APAF1: variants seen among roughly 807,000 people sequenced by gnomAD.
APAF1 encodes apoptotic protease-activating factor 1.
APAF1 carries 91 observed loss-of-function variants against 152.4 expected under a neutral mutation model. The ratio of observed to expected loss-of-function variants is 0.60; its 90% CI spans 0.50 to 0.71. The LOEUF (loss-of-function observed/expected upper bound fraction) is 0.71. Ranked by LOEUF, APAF1 falls within the 30% of genes least tolerant of loss-of-function variation. The probability of loss-of-function intolerance (pLI) is 0.00; values close to 1 mark genes in which losing one functional copy is unlikely to be tolerated. For synonymous variants in APAF1, 484 were observed against 494.1 expected (o/e 0.98, Z 0.27); for missense variants, 1,283 against 1,472.0 (o/e 0.87, Z 2.10).
intron 16 of APAF1, among the ~76,000 whole-genome samples, chr12:98,687,475 T>G (rs1424838966): frequency 6.6e-6 from 1 of 152,188 alleles, no homozygotes; most frequent in Non-Finnish European, 1.5e-5. Flanking sequence ...TTTTGAGATC[T>G]GTTTTAGTTT....
chr12:98,682,052 GTTTTTT>G (rs923577593), intron 14 of APAF1, among the ~76,000 whole-genome samples: 1 of 123,866 alleles, frequency 8.1e-6, no homozygotes, highest in Non-Finnish European at 1.7e-5. Context: ...TAATTTTTTT[GTTTTTT>G]TTTTTTTTTT....
chr12:98,668,983 T>C (rs1013391953), intron 10 of APAF1, among the ~76,000 whole-genome samples: 3 of 152,322 alleles, frequency 2.0e-5, no homozygotes, highest in Non-Finnish European at 4.4e-5. Context: ...TGGAAAACCA[T>C]ATGTACTTTC....
At position 98,677,544 on chromosome 12, in the gene APAF1, C is replaced by T; in HGVS notation, c.1913C>T (p.Thr638Ile). The T allele has an allele frequency of 6.2e-7, 1 of 1,614,144 alleles. No individual in the cohort carries two copies. The highest frequency in any genetic ancestry group is 8.5e-7 in the Non-Finnish European group (1 of 1,180,020). Residue 638 changes from threonine (T) to isoleucine (I), a missense_variant, in exon 13 of 27, where the codon ACC becomes ATC. Coordinates refer to ENST00000551964, the MANE Select transcript of APAF1 (RefSeq NM_181861.2). ...QRIASCGADK[T>I]LQVFKAETGE... ...ATAGCTTCTTGTGGAGCTGATAAAA[C>T]CTTACAGGTAAAACACATCTCTTGA...
At position 98,677,241 on chromosome 12, in the gene APAF1, C is replaced by T. The variant is rs546607303; in HGVS notation, c.1794-184C>T. Reference sequence around the variant, plus strand: ...GGTAACATTTCTCTTACAAATGCTACTTTTGTTATTTTTTTTCTTTTGGTG... The same window carrying T: ...GGTAACATTTCTCTTACAAATGCTATTTTTGTTATTTTTTTTCTTTTGGTG... On this transcript the variant is annotated intron_variant, in intron 12 of 26. Transcript: ENST00000551964. 2.6e-5 allele frequency among the ~76,000 whole-genome samples: 4 copies of T among 152,182 alleles called. No homozygotes were observed. In the South Asian group the frequency reaches 8.3e-4, roughly 32 times the overall value.
chr12:98,723,078 A>G (rs1158662576), intron 22 of APAF1, 115 bp from the exon 23 acceptor site: 4 of 1,066,198 alleles, frequency 3.8e-6, no homozygotes, highest in African/African-American at 3.1e-5. Context: ...TCTCTGTTTT[A>G]CTGAAATGCC....
intron 4 of APAF1, among the ~76,000 whole-genome samples, chr12:98,656,408 C>A (rs1049142963): frequency 6.6e-6 from 1 of 152,196 alleles, no homozygotes; most frequent in Non-Finnish European, 1.5e-5. Flanking sequence ...CCTCAGGAAA[C>A]TTTAGGAGTA....
At position 98,662,488 on chromosome 12, in the gene APAF1, C is replaced by T. The variant is rs770864896; in HGVS notation, c.743C>T (p.Ser248Phe). The change falls in exon 6 of 27, where the codon TCT (serine) becomes TTT (phenylalanine). Residue 248 changes from serine to phenylalanine, a missense_variant. Transcript: ENST00000551964. ...SLLILDDVWD[S>F]WVLKAFDSQC... ...TTGATCTTGGATGATGTTTGGGACTCTTGGGTGTTGAAAGCTTTTGACAGT... is the reference window on the plus strand; with the variant it reads ...TTGATCTTGGATGATGTTTGGGACTTTTGGGTGTTGAAAGCTTTTGACAGT... 6.2e-7 allele frequency: 1 copy of T among 1,613,386 alleles called. No individual in the cohort carries two copies. Among genetic ancestry groups the T allele is most frequent in the Admixed American group, 1.7e-5 (1 of 60,000 alleles).
At chr12:98,683,709 C>T (rs996499397) in intron 15 of APAF1, among the ~76,000 whole-genome samples, 1 of 152,156 alleles carries the variant, frequency 6.6e-6, no homozygotes, top group Non-Finnish European at 1.5e-5. Context: ...CTTACATGCT[C>T]ATAGCTAGGG....
At chr12:98,647,068 A>G (rs1194021915) in intron 1 of APAF1, among the ~76,000 whole-genome samples, 1 of 152,124 alleles carries the variant, frequency 6.6e-6, no homozygotes, top group Non-Finnish European at 1.5e-5. Flanking sequence ...TACAATCTTA[A>G]TTAAAAAAGG....
intron 7 of APAF1, among the ~76,000 whole-genome samples, chr12:98,664,980 A>C (rs922121965): frequency 6.6e-6 from 1 of 151,938 alleles, no homozygotes; most frequent in African/African-American, 2.4e-5. Context: ...GTTGTTTAAG[A>C]TTTTTTCACT....
At chr12:98,647,559 A>G (rs1174428092) in intron 1 of APAF1, among the ~76,000 whole-genome samples, 2 of 151,850 alleles carry the variant, frequency 1.3e-5, no homozygotes, top group African/African-American at 4.8e-5. Flanking sequence ...TTTAGTAGAG[A>G]CAGGGTTTCA....
chr12:98,703,460 C>T lies in APAF1; in HGVS notation c.2556C>T (p.Asn852=). The change falls in exon 18 of 27, where the codon AAC becomes AAT. Residue 852 remains asparagine (N), a synonymous_variant. Transcript: ENST00000551964. The part of the protein sequence containing the change: ...TIQYCDFSPQ[N]HLAVVALSQY... ...AGTACTGTGACTTCTCCCCACAAAA[C>T]CATTTGGCAGTGGTTGCTTTGTCCC... 1 of 1,614,186 alleles carries T rather than the reference C, an allele frequency of 6.2e-7. No homozygotes were observed. The highest frequency in any genetic ancestry group is 8.5e-7 in the Non-Finnish European group (1 of 1,180,032).
At position 98,678,537 on chromosome 12, in the gene APAF1, C is replaced by T. The variant is rs1472001080; in HGVS notation, c.1920+986C>T. 3.3e-5 allele frequency among the ~76,000 whole-genome samples: 5 copies of T among 152,256 alleles called. No individual in the cohort carries two copies. In the East Asian group the frequency reaches 9.6e-4, roughly 29 times the overall value. On this transcript the variant is annotated intron_variant, in intron 13 of 26. Transcript: ENST00000551964. ...CCCTCCTGGGTGTAGCTGTAGCCGC[C>T]CAAACCACAGCTGCAGGCTCGGGCC...
chr12:98,727,880 G>T (rs2153345352), intron 26 of APAF1, among the ~76,000 whole-genome samples: 1 of 151,808 alleles, frequency 6.6e-6, no homozygotes, highest in South Asian at 2.1e-4. Context: ...GGTGAAGGTT[G>T]CAGTGAGCCG....
chr12:98,702,305 T>A lies in APAF1; in HGVS notation c.2467-1066T>A, dbSNP rs374477567. Among the ~76,000 whole-genome samples, 91 of 152,138 alleles carry A rather than the reference T, an allele frequency of 6.0e-4. 1 individual carries two copies. The highest frequency in any genetic ancestry group is 1.7e-3 in the African/African-American group (71 of 41,540). On this transcript the variant is annotated intron_variant, in intron 17 of 26. Coordinates refer to ENST00000551964, the MANE Select transcript of APAF1 (RefSeq NM_181861.2). ...TGGTCTCGATCTCCTGACCTCGTGA[T>A]CCACCTGCCTTGGCCTCGCAAAGTG...
rs1263150927 is a variant in APAF1 at position 98,662,820 on chromosome 12, T to C, written c.955+14T>C. On this transcript the variant is annotated intron_variant, in intron 7 of 26. Transcript: ENST00000551964. Reference sequence around the variant, plus strand: ...AAGAATGTAAAGGTATGGTTATTTATTTGTTTATGAGGAGATTATAGGGAG... The same window carrying C: ...AAGAATGTAAAGGTATGGTTATTTACTTGTTTATGAGGAGATTATAGGGAG... 1 of 1,603,916 alleles carries C rather than the reference T, an allele frequency of 6.2e-7. No individual in the cohort carries two copies. Among genetic ancestry groups the C allele is most frequent in the Non-Finnish European group, 8.5e-7 (1 of 1,173,184 alleles).
intron 15 of APAF1, 111 bp from the exon 16 acceptor site, chr12:98,686,637 A>C: frequency 9.2e-7 from 1 of 1,086,912 alleles, no homozygotes; most frequent in East Asian, 2.6e-5. Flanking sequence ...ATTAAACATC[A>C]TTCTGTAATC....
intron 15 of APAF1, 73 bp downstream of exon 15, chr12:98,683,347 T>C (rs1014075198): frequency 2.8e-6 from 4 of 1,426,026 alleles, no homozygotes; most frequent in Non-Finnish European, 3.9e-6. Flanking sequence ...GATTTTCTTA[T>C]GTATACTACT....
intron 10 of APAF1, among the ~76,000 whole-genome samples, chr12:98,669,540 C>T (rs960849108): frequency 6.6e-6 from 1 of 152,016 alleles, no homozygotes; most frequent in Non-Finnish European, 1.5e-5. Flanking sequence ...TGCTTTTTAC[C>T]ATTTAATTAC....
Sources: gnomAD v4.1 joint callset for allele counts (sites outside exome capture counted in the v4.1 genomes callset) on GRCh38, gnomAD v4.1.1 for gene constraint, MANE v1.5 for transcripts, NCBI Gene and HGNC (gene_info 2026-07-23, HGNC 2026-07-21) for gene names.